The following EDA variants were observed in gnomAD, a reference collection of about 807,000 sequenced individuals.
The protein encoded by EDA is ectodysplasin A.
In EDA, 2 loss-of-function variants were observed where a neutral mutation model predicts 23.6. That is an observed-to-expected ratio of 0.08 (90% CI 0.03 to 0.27). The LOEUF (loss-of-function observed/expected upper bound fraction) is 0.27. Ranked by LOEUF, EDA falls within the 10% of genes least tolerant of loss-of-function variation. The probability of loss-of-function intolerance (pLI) is 1.00; values close to 1 mark genes in which losing one functional copy is unlikely to be tolerated. For synonymous variants in EDA, 131 were observed against 132.0 expected (o/e 0.99, Z 0.05); for missense variants, 229 against 324.2 (o/e 0.71, Z 2.26).
At chrX:69,833,251 C>G (rs751518493) in intron 1 of EDA, among the ~76,000 whole-genome samples, 52 of 110,299 alleles carry the variant, frequency 4.7e-4, no homozygotes, top group African/African-American at 1.5e-3. Flanking sequence ...TAGCATGAAG[C>G]GCTGTTGAAT....
At chrX:69,921,744 C>A (rs996640030) in intron 1 of EDA, among the ~76,000 whole-genome samples, 2 of 111,173 alleles carry the variant, frequency 1.8e-5, no homozygotes, top group African/African-American at 3.3e-5. Context: ...TAATTAGATT[C>A]TTTTGTCAAA....
chrX:69,793,282 T>C (rs1438504209), intron 1 of EDA, among the ~76,000 whole-genome samples: 3 of 111,831 alleles, frequency 2.7e-5, no homozygotes, highest in Non-Finnish European at 3.8e-5. Context: ...TATTTTGTAG[T>C]TTGCATTCTA....
intron 1 of EDA, among the ~76,000 whole-genome samples, chrX:69,748,794 GGTT>G (rs1175903946): frequency 7.2e-5 from 8 of 111,437 alleles, no homozygotes; most frequent in African/African-American, 2.0e-4. Flanking sequence ...TCCCTCATAA[GGTT>G]GTTTTGATGA....
At chrX:69,880,798 A>T (rs758078812) in intron 1 of EDA, among the ~76,000 whole-genome samples, 1 of 112,033 alleles carries the variant, frequency 8.9e-6, no homozygotes, top group Non-Finnish European at 1.9e-5. Flanking sequence ...TCACATACAG[A>T]TTGTAATCTT....
At chrX:69,703,304 G>A (rs981429774) in intron 1 of EDA, among the ~76,000 whole-genome samples, 1 of 111,800 alleles carries the variant, frequency 8.9e-6, no homozygotes, top group African/African-American at 3.2e-5. Context: ...GGTGAGATCA[G>A]TGACTGATGT....
At chrX:69,829,423 G>T (rs776282879) in intron 1 of EDA, among the ~76,000 whole-genome samples, 1 of 112,071 alleles carries the variant, frequency 8.9e-6, no homozygotes, top group Admixed American at 9.5e-5. Flanking sequence ...TCCTTTTTCT[G>T]TTACTGCTTT....
intron 6 of EDA, among the ~76,000 whole-genome samples, chrX:70,032,838 A>C: frequency 8.9e-6 from 1 of 111,914 alleles, no homozygotes; most frequent in South Asian, 3.8e-4. Context: ...TCTAATCCCT[A>C]AGGTTCTCCA....
rs181277833 is a variant in EDA at position 70,011,533 on chromosome X, G to A, written c.503-11685G>A. On this transcript the variant is annotated intron_variant, in intron 2 of 7. Coordinates refer to ENST00000374552, the MANE Select transcript of EDA (RefSeq NM_001399.5). ...TTTGGTAGAGACAGGGTTTCACCAT[G>A]TTGGCCAGGCTGGTTATTATTTTGA... Among the ~76,000 whole-genome samples the A allele has an allele frequency of 3.6e-5, 4 of 110,567 alleles. No homozygotes were observed. In the East Asian group the frequency reaches 1.1e-3, roughly 32 times the overall value.
chrX:69,935,467 C>CT (rs1425445377), intron 1 of EDA, among the ~76,000 whole-genome samples: 1 of 111,570 alleles, frequency 9.0e-6, no homozygotes, highest in Non-Finnish European at 1.9e-5. Flanking sequence ...TATTGCCCGT[C>CT]TTTTTTTATA....
intron 1 of EDA, among the ~76,000 whole-genome samples, chrX:69,939,497 G>GT (rs1437403084): frequency 1.8e-5 from 2 of 111,188 alleles, no homozygotes; most frequent in Non-Finnish European, 3.8e-5. Context: ...GGAGTCTTTA[G>GT]TTTTTTCCAC....
chrX:69,900,358 C>A (rs1362430854), intron 1 of EDA, among the ~76,000 whole-genome samples: 1 of 107,174 alleles, frequency 9.3e-6, no homozygotes. Context: ...AAACATTGGG[C>A]TAAGTATGTT....
intron 1 of EDA, among the ~76,000 whole-genome samples, chrX:69,770,459 G>A (rs1187399546): frequency 1.8e-5 from 2 of 111,889 alleles, no homozygotes; most frequent in Non-Finnish European, 3.8e-5. Flanking sequence ...TCTCATTGTG[G>A]TTTGAAGCTG....
At chrX:70,021,851 C>T (rs2020038219) in intron 2 of EDA, among the ~76,000 whole-genome samples, 3 of 112,143 alleles carry the variant, frequency 2.7e-5, no homozygotes, top group Non-Finnish European at 1.9e-5. Flanking sequence ...TCTGGCAGCC[C>T]TCCAGGTTAG....
At chrX:69,732,552 A>G (rs768705924) in intron 1 of EDA, among the ~76,000 whole-genome samples, 181 of 112,563 alleles carry the variant, frequency 1.6e-3, no homozygotes, top group Middle Eastern at 4.6e-3. Context: ...TAGTGCCACA[A>G]TAAACATACA....
chrX:69,834,854 G>T (rs1363370684), intron 1 of EDA, among the ~76,000 whole-genome samples: 1 of 111,808 alleles, frequency 8.9e-6, no homozygotes, highest in African/African-American at 3.3e-5. Context: ...GCTGGTACCA[G>T]TTGTTCCTTT....
intron 2 of EDA, among the ~76,000 whole-genome samples, chrX:69,996,617 C>T (rs1040614216): frequency 9.0e-6 from 1 of 111,636 alleles, no homozygotes; most frequent in African/African-American, 3.3e-5. Context: ...ATTTCCTTTC[C>T]CAACTCCCAC....
intron 1 of EDA, among the ~76,000 whole-genome samples, chrX:69,853,247 C>A (rs1328583040): frequency 9.0e-6 from 1 of 111,636 alleles, no homozygotes; most frequent in Non-Finnish European, 1.9e-5. Context: ...AGTAGAATAT[C>A]TGTAAATGAA....
At chrX:69,643,825 T>C (rs1276884825) in intron 1 of EDA, among the ~76,000 whole-genome samples, 1 of 111,993 alleles carries the variant, frequency 8.9e-6, no homozygotes, top group African/African-American at 3.2e-5. Context: ...TTTCTGCATA[T>C]GGCTAGCCAG....
chrX:69,860,953 G>A, intron 1 of EDA: 2 of 519,499 alleles, frequency 3.8e-6, no homozygotes, highest in Non-Finnish European at 7.0e-6. Context: ...CCCTCAGTGG[G>A]AGCTGTTTCA....
Sources: gnomAD v4.1 joint callset for allele counts (sites outside exome capture counted in the v4.1 genomes callset) on GRCh38, gnomAD v4.1.1 for gene constraint, MANE v1.5 for transcripts, NCBI Gene and HGNC (gene_info 2026-07-23, HGNC 2026-07-21) for gene names.